The following CPLANE1 variants were observed in gnomAD, a reference collection of about 807,000 sequenced individuals.
CPLANE1 encodes the protein ciliogenesis and planar polarity effector complex subunit 1.
A neutral mutation model predicts 362.5 loss-of-function variants in CPLANE1; 263 were observed. That is an observed-to-expected ratio of 0.73 (90% confidence interval 0.66 to 0.80). The LOEUF is 0.80. Among genes scored for constraint, CPLANE1 ranks in the 30% least tolerant of loss-of-function variants. CPLANE1 has a pLI of 0.00. For synonymous variants in CPLANE1, 1,212 were observed against 1,302.6 expected (o/e 0.93, Z 1.50); for missense variants, 3,461 against 3,793.4 (o/e 0.91, Z 2.30).
At chr5:37,176,859 T>C (rs375856674) in intron 30 of CPLANE1, among the ~76,000 whole-genome samples, 404 of 151,480 alleles carry the variant, frequency 2.7e-3, no homozygotes, top group Middle Eastern at 6.8e-3. Flanking sequence ...CCCCGGGTCA[T>C]GCCATTCTCC....
intron 42 of CPLANE1, among the ~76,000 whole-genome samples, chr5:37,148,822 A>T (rs1772560801): frequency 6.6e-6 from 1 of 152,108 alleles, no homozygotes; most frequent in African/African-American, 2.4e-5. Context: ...AGGGTGAAGC[A>T]AGCAGATCAC....
At position 37,107,591 on chromosome 5, in the gene CPLANE1, A is replaced by ATAT; in HGVS notation, c.*8_*10dup. On this transcript the variant is annotated 3_prime_UTR_variant, in exon 53 of 53. Transcript: ENST00000651892. ...CTGGCCTGTGCATGGAAACCCAATG[A>ATAT]TATCCAGGTCTTACAGGTCCAGGGC... 6.3e-7 allele frequency: 1 copy of ATAT among 1,597,646 alleles called. No individual in the cohort carries two copies.
rs917744207 is a variant in CPLANE1, at chr5:37,230,759, A to G, written c.1121+108T>C. On this transcript the variant is annotated intron_variant, in intron 9 of 52. Coordinates refer to ENST00000651892, the MANE Select transcript of CPLANE1 (RefSeq NM_001384732.1). ...AGATATTGAGATGACAGACTCAAAG[A>G]AAAAGTAAGACAATTTGAAAGATGA... The G allele has an allele frequency of 4.2e-6, 3 of 706,618 alleles. No individual in the cohort carries two copies. The African/African-American group carries it at 5.6e-5, about 13-fold the overall frequency. The allele number at this position is 706,618 out of a possible 1,614,324, so 43.8% of individuals were successfully genotyped here.
intron 51 of CPLANE1, among the ~76,000 whole-genome samples, chr5:37,113,894 C>A (rs1285895093): frequency 1.3e-5 from 2 of 152,144 alleles, no homozygotes; most frequent in Admixed American, 1.3e-4. Flanking sequence ...CTCACTGCAA[C>A]CTCCGCCTGC....
At chr5:37,140,215 GA>G in intron 44 of CPLANE1, 1 of 890,826 alleles carries the variant, frequency 1.1e-6, no homozygotes, top group Non-Finnish European at 1.3e-6. Context: ...TTAATATAGG[GA>G]AAAGTGTTCT....
the CPLANE1 span, among the ~76,000 whole-genome samples, chr5:37,095,029 A>G: frequency 5.9e-5 from 9 of 152,206 alleles, no homozygotes; most frequent in Non-Finnish European, 8.8e-5. Flanking sequence ...CACCAATCCT[A>G]TTGACACTAT....
chr5:37,170,618 G>C (rs1384016943), intron 32 of CPLANE1, among the ~76,000 whole-genome samples: 1 of 151,992 alleles, frequency 6.6e-6, no homozygotes, highest in Non-Finnish European at 1.5e-5. Context: ...AACATCCCAG[G>C]GATCAAAGGA....
chr5:37,133,366 G>C (rs1268562774), intron 46 of CPLANE1, among the ~76,000 whole-genome samples: 1 of 152,132 alleles, frequency 6.6e-6, no homozygotes, highest in African/African-American at 2.4e-5. Flanking sequence ...GCTTTGGGCA[G>C]TATGGTTATT....
At chr5:37,092,480 T>C in the CPLANE1 span, among the ~76,000 whole-genome samples, 1 of 152,224 alleles carries the variant, frequency 6.6e-6, no homozygotes, top group Non-Finnish European at 1.5e-5. Context: ...GGATTTTACT[T>C]TAGCTGGGAG....
chr5:37,248,214 G>A (rs188265805), intron 1 of CPLANE1, among the ~76,000 whole-genome samples: 399 of 151,836 alleles, frequency 2.6e-3, no homozygotes, highest in African/African-American at 9.2e-3. Context: ...TGCAACCTCC[G>A]CCTCCCGGGT....
intron 15 of CPLANE1, 58 bp from the exon 16 acceptor site, chr5:37,213,790 T>C: frequency 7.7e-7 from 1 of 1,300,512 alleles, no homozygotes; most frequent in South Asian, 2.1e-5. Flanking sequence ...AGTAATAATA[T>C]TTAAGTTCCC....
the CPLANE1 span, among the ~76,000 whole-genome samples, chr5:37,084,881 G>A: frequency 6.6e-6 from 1 of 151,750 alleles, no homozygotes; most frequent in South Asian, 2.1e-4. Context: ...TAACACATAA[G>A]GACTCATATA....
intron 43 of CPLANE1, among the ~76,000 whole-genome samples, chr5:37,142,936 C>T (rs1206066849): frequency 6.6e-6 from 1 of 152,156 alleles, no homozygotes; most frequent in Non-Finnish European, 1.5e-5. Context: ...TCTTAGAGCA[C>T]TGAAGGACAG....
chr5:37,228,993 G>A (rs539665912), intron 9 of CPLANE1, among the ~76,000 whole-genome samples: 39 of 152,030 alleles, frequency 2.6e-4, no homozygotes, highest in East Asian at 5.8e-4. Flanking sequence ...AGGCTGAGGC[G>A]GGCGGATCAC....
chr5:37,244,284 A>G, intron 5 of CPLANE1, 91 bp downstream of exon 5: 3 of 690,152 alleles, frequency 4.3e-6, no homozygotes, highest in Non-Finnish European at 6.5e-6. Context: ...CACAATTACT[A>G]TGAAAATTTA....
chr5:37,078,308 G>A, the CPLANE1 span, among the ~76,000 whole-genome samples: 6 of 152,192 alleles, frequency 3.9e-5, no homozygotes, highest in South Asian at 2.1e-4. Context: ...TTGGTTTTCC[G>A]TTCCTGCCTT....
At chr5:37,190,341 T>A (rs1580576157) in intron 21 of CPLANE1, among the ~76,000 whole-genome samples, 1 of 150,728 alleles carries the variant, frequency 6.6e-6, no homozygotes, top group Non-Finnish European at 1.5e-5. Flanking sequence ...GAGGTCAAGG[T>A]AGGACTGCTT....
intron 44 of CPLANE1, chr5:37,141,245 T>C (rs796434812): frequency 2.0e-6 from 2 of 985,378 alleles, no homozygotes; most frequent in African/African-American, 3.5e-5. Flanking sequence ...AATTCTCCCA[T>C]GTTCCCAAGG....
chr5:37,184,697 G>A, intron 25 of CPLANE1, 91 bp downstream of exon 25: 1 of 1,043,780 alleles, frequency 9.6e-7, no homozygotes, highest in Non-Finnish European at 1.4e-6. Context: ...AATCAGTGAG[G>A]GTTGCTGGGA....
Sources: gnomAD v4.1 joint callset for allele counts (sites outside exome capture counted in the v4.1 genomes callset) on GRCh38, gnomAD v4.1.1 for gene constraint, MANE v1.5 for transcripts, NCBI Gene and HGNC (gene_info 2026-07-23, HGNC 2026-07-21) for gene names.